The following NHEJ1 variants were observed in gnomAD, a reference collection of about 807,000 sequenced individuals.
NHEJ1 encodes the protein non-homologous end joining factor 1, also known as non-homologous end-joining factor 1.
A neutral mutation model predicts 39.4 loss-of-function variants in NHEJ1; 22 were observed. That is an observed-to-expected ratio of 0.56 (90% CI 0.40 to 0.80). NHEJ1 has a LOEUF of 0.80. Ranked by LOEUF, NHEJ1 falls within the 30% of genes least tolerant of loss-of-function variation. The pLI is 0.00. For missense variants in NHEJ1, 329 were observed against 357.1 expected (o/e 0.92, Z 0.63); for synonymous variants, 154 against 135.6 (o/e 1.14, Z -0.94).
In NHEJ1 at chr2:219,155,811, G is replaced by A. The variant is rs747499151; in HGVS notation, c.390+1661C>T. On this transcript the variant is annotated intron_variant, in intron 3 of 7. Coordinates refer to ENST00000356853, the MANE Select transcript of NHEJ1 (RefSeq NM_024782.3). ...GTGGTGGTGTGCGCCTGTAGTCCCA[G>A]CTACGGGGGGCGCTGAGGCAGGAGA... Among the ~76,000 whole-genome samples, 26 of 151,870 alleles carry A rather than the reference G, an allele frequency of 1.7e-4. 1 individual carries two copies. Among genetic ancestry groups the A allele is most frequent in the Non-Finnish European group, 3.2e-4 (22 of 67,988 alleles).
intron 5 of NHEJ1, among the ~76,000 whole-genome samples, chr2:219,127,640 C>T (rs539631213): frequency 1.3e-5 from 2 of 152,312 alleles, no homozygotes; most frequent in Non-Finnish European, 2.9e-5. Context: ...AATTTGGTGG[C>T]CTCCTAACAG....
chr2:219,077,795 C>T (rs530865492), intron 6 of NHEJ1, among the ~76,000 whole-genome samples: 1 of 152,170 alleles, frequency 6.6e-6, no homozygotes, highest in East Asian at 1.9e-4. Flanking sequence ...AATCTTTCTC[C>T]TGGTTCTTTT....
intron 5 of NHEJ1, among the ~76,000 whole-genome samples, chr2:219,112,561 C>T (rs1056199251): frequency 3.9e-5 from 6 of 152,124 alleles, no homozygotes; most frequent in African/African-American, 1.4e-4. Flanking sequence ...GGGGCACACA[C>T]CTAGACCCTT....
At chr2:219,153,703 G>GGGT (rs1949821264) in intron 3 of NHEJ1, among the ~76,000 whole-genome samples, 3 of 117,006 alleles carry the variant, frequency 2.6e-5, no homozygotes, top group African/African-American at 9.3e-5. Context: ...GGGGGGGGGG[G>GGGT]TGGAGAGAGA....
At chr2:219,132,366 C>T (rs1183512089) in intron 5 of NHEJ1, among the ~76,000 whole-genome samples, 1 of 152,198 alleles carries the variant, frequency 6.6e-6, no homozygotes, top group South Asian at 2.1e-4. Flanking sequence ...TCAGCAATTT[C>T]GCTATGCTCT....
intron 5 of NHEJ1, 110 bp downstream of exon 5, chr2:219,146,570 G>A: frequency 1.2e-6 from 1 of 857,608 alleles, no homozygotes; most frequent in Non-Finnish European, 2.0e-6. Flanking sequence ...TTCAGACAAA[G>A]GGCATTCCAA....
In NHEJ1 at chr2:219,108,716, T is replaced by C. The variant is rs1051064072; in HGVS notation, c.589-30510A>G. Among the ~76,000 whole-genome samples the C allele has an allele frequency of 2.9e-4, 44 of 152,308 alleles. 1 individual carries two copies. Among genetic ancestry groups the C allele is most frequent in the Middle Eastern group, 6.8e-3 (2 of 294 alleles). On this transcript the variant is annotated intron_variant, in intron 5 of 7. Coordinates refer to ENST00000356853, the MANE Select transcript of NHEJ1 (RefSeq NM_024782.3). ...TTCCAAGATGCTATTATTTGAGTAT[T>C]ATTCTATAATACTGTTTTCCCCCTA...
intron 5 of NHEJ1, among the ~76,000 whole-genome samples, chr2:219,118,177 C>A (rs1173868693): frequency 6.6e-6 from 1 of 152,196 alleles, no homozygotes; most frequent in African/African-American, 2.4e-5. Context: ...ACTCCTGGCC[C>A]TTCTTACTAG....
At chr2:219,082,140 T>C (rs1949072733) in intron 5 of NHEJ1, among the ~76,000 whole-genome samples, 1 of 152,232 alleles carries the variant, frequency 6.6e-6, no homozygotes, top group South Asian at 2.1e-4. Flanking sequence ...ACCTAAACTC[T>C]TAGTACTTCC....
intron 5 of NHEJ1, among the ~76,000 whole-genome samples, chr2:219,115,036 C>T (rs976434711): frequency 1.3e-5 from 2 of 151,864 alleles, no homozygotes; most frequent in Admixed American, 6.6e-5. Context: ...TGGGGGCCTC[C>T]GACGTGTTCA....
chr2:219,077,288 G>C lies in NHEJ1; in HGVS notation c.783C>G (p.Val261=), dbSNP rs374469478. Residue 261 remains valine, a synonymous_variant, in exon 7 of 8, where the codon GTC becomes GTG. Transcript: ENST00000356853. ...GTGCTGAGAGGGTTGGGGCTGAGGA[G>C]ACCAGTTGTTCTGGCTGGTTTACAC... The part of the protein sequence containing the change: ...SQCVNQPEQL[V]SSAPTLSAPE... The C allele has an allele frequency of 5.6e-5, 90 of 1,613,978 alleles. No individual in the cohort carries two copies. Among genetic ancestry groups the C allele is most frequent in the Non-Finnish European group, 6.8e-5 (80 of 1,179,960 alleles).
intron 3 of NHEJ1, among the ~76,000 whole-genome samples, chr2:219,148,962 C>A (rs1186083458): frequency 6.6e-6 from 1 of 151,840 alleles, no homozygotes; most frequent in Non-Finnish European, 1.5e-5. Flanking sequence ...CAGCTCACTA[C>A]AACCTCCACC....
At chr2:219,146,766 A>ATT in intron 4 of NHEJ1, 28 bp from the exon 5 acceptor site, 1 of 1,539,560 alleles carries the variant, frequency 6.5e-7, no homozygotes. Context: ...AGAAAAAAGA[A>ATT]ATATGAGTCA....
chr2:219,144,984 G>A (rs1256417121), intron 5 of NHEJ1, among the ~76,000 whole-genome samples: 1 of 152,152 alleles, frequency 6.6e-6, no homozygotes, highest in Non-Finnish European at 1.5e-5. Flanking sequence ...GGAGGTCAAG[G>A]AGGGTGGATC....
chr2:219,071,290 G>T lies in NHEJ1; in HGVS notation c.*5091C>A, dbSNP rs893722149. Among the ~76,000 whole-genome samples, 1 of 152,300 alleles carries T rather than the reference G, an allele frequency of 6.6e-6. No individual in the cohort carries two copies. The highest frequency in any genetic ancestry group is 6.5e-5 in the Admixed American group (1 of 15,302). ...CTCCCCTCTCCTGTCACCCATTTCTGACTGGCCGTCAATCCTATCAGGGGT... is the reference window on the plus strand; with the variant it reads ...CTCCCCTCTCCTGTCACCCATTTCTTACTGGCCGTCAATCCTATCAGGGGT... On this transcript the variant is annotated 3_prime_UTR_variant, in exon 8 of 8. Coordinates refer to ENST00000356853, the MANE Select transcript of NHEJ1 (RefSeq NM_024782.3).
chr2:219,131,097 GA>G (rs1011854603), intron 5 of NHEJ1, among the ~76,000 whole-genome samples: 1 of 151,614 alleles, frequency 6.6e-6, no homozygotes, highest in African/African-American at 2.4e-5. Context: ...GTCTCAAAAA[GA>G]AAAAAAACAA....
chr2:219,100,897 T>C (rs1949251361), intron 5 of NHEJ1, among the ~76,000 whole-genome samples: 1 of 152,218 alleles, frequency 6.6e-6, no homozygotes. Context: ...TAAATACTAA[T>C]CAATGTAAAC....
intron 5 of NHEJ1, among the ~76,000 whole-genome samples, chr2:219,078,984 G>A (rs552831975): frequency 1.7e-4 from 26 of 152,322 alleles, no homozygotes; most frequent in Non-Finnish European, 2.9e-4. Context: ...TTAGGGAAGT[G>A]ATAATTTTTA....
At chr2:219,153,699 G>GC (rs55636702) in intron 3 of NHEJ1, among the ~76,000 whole-genome samples, 5 of 129,576 alleles carry the variant, frequency 3.9e-5, no homozygotes, top group African/African-American at 8.2e-5. Context: ...AAAAGGGGGG[G>GC]GGGGTGGAGA....
Sources: allele counts gnomAD v4.1 joint callset (sites outside exome capture counted in the v4.1 genomes callset), GRCh38; gene constraint gnomAD v4.1.1; transcripts MANE v1.5; gene names NCBI Gene and HGNC (gene_info 2026-07-23, HGNC 2026-07-21).